EP300: variants seen among roughly 807,000 people sequenced by gnomAD.
EP300 encodes histone acetyltransferase p300.
In EP300, 31 loss-of-function variants were observed where a neutral mutation model predicts 264.0. The observed-to-expected ratio is 0.12, with a 90% CI of 0.09 to 0.16. The LOEUF (loss-of-function observed/expected upper bound fraction) is 0.16, where lower values mean the gene tolerates loss of function less well. Ranked by LOEUF, EP300 falls within the 10% of genes least tolerant of loss-of-function variation. EP300 has a pLI of 1.00. For missense variants in EP300, 2,766 were observed against 3,052.9 expected, an observed-to-expected ratio of 0.91 and a Z score of 2.21; for synonymous variants, 1,340 against 1,045.4, an observed-to-expected ratio of 1.28 and a Z score of -5.44.
In EP300 at chr22:41,177,655, CCAGGGATGGGACCGA is replaced by C; in HGVS notation, c.5953_5967del (p.Gly1985_Met1989del). The C allele has an allele frequency of 6.2e-7, 1 of 1,613,996 alleles. No homozygotes were observed. The highest frequency in any genetic ancestry group is 1.1e-5 in the South Asian group (1 of 91,080). ...CAGAGGTCCCAGTGGGCATTTGGAG[CCAGGGATGGGACCGA>C]CAGGGATGCAGCAACAGCCACCCTG... is the stretch of plus-strand genomic sequence containing the variant. On this transcript the variant is annotated inframe_deletion, in exon 31 of 31. Transcript: ENST00000263253.
intron 3 of EP300, 123 bp downstream of exon 3, chr22:41,126,163 T>G: frequency 1.1e-6 from 1 of 943,210 alleles, no homozygotes; most frequent in Non-Finnish European, 1.7e-6. Flanking sequence ...TAAATTGATA[T>G]GTACTTGATG....
intron 7 of EP300, among the ~76,000 whole-genome samples, chr22:41,137,317 A>C (rs1164564109): frequency 6.9e-6 from 1 of 145,538 alleles, no homozygotes; most frequent in South Asian, 2.2e-4. Context: ...GGATTGCACC[A>C]CTACAGTCCA....
intron 1 of EP300, among the ~76,000 whole-genome samples, chr22:41,110,801 T>G (rs540936090): frequency 6.6e-6 from 1 of 152,218 alleles, no homozygotes; most frequent in Admixed American, 6.5e-5. Context: ...TTCTAGAAGT[T>G]TGATTGATAC....
intron 6 of EP300, among the ~76,000 whole-genome samples, chr22:41,134,360 AACGT>A (rs775907046): frequency 6.6e-6 from 1 of 151,258 alleles, no homozygotes; most frequent in Non-Finnish European, 1.5e-5. Context: ...GATAACTGGA[AACGT>A]ACGTGTGTGT....
intron 29 of EP300, 78 bp downstream of exon 29, chr22:41,173,862 A>T (rs2059184859): frequency 6.3e-7 from 1 of 1,584,756 alleles, no homozygotes; most frequent in Admixed American, 1.7e-5. Flanking sequence ...CTGTAATCCC[A>T]GCACTTTGGG....
chr22:41,123,938 A>G (rs571930476), intron 2 of EP300, among the ~76,000 whole-genome samples: 1 of 152,238 alleles, frequency 6.6e-6, no homozygotes, highest in African/African-American at 2.4e-5. Flanking sequence ...TAAATATAGA[A>G]CATAAACTAC....
chr22:41,165,679 T>TC (rs2059130233), intron 22 of EP300, among the ~76,000 whole-genome samples: 1 of 152,196 alleles, frequency 6.6e-6, no homozygotes, highest in African/African-American at 2.4e-5. Flanking sequence ...CACCTCGGCC[T>TC]CCCGAAGTGC....
At chr22:41,110,256 T>A (rs1421037396) in intron 1 of EP300, among the ~76,000 whole-genome samples, 1 of 144,010 alleles carries the variant, frequency 6.9e-6, no homozygotes, top group African/African-American at 2.6e-5. Context: ...CTGGGACCTG[T>A]AGGTGCATGC....
intron 1 of EP300, among the ~76,000 whole-genome samples, chr22:41,113,196 C>G (rs932491806): frequency 7.8e-6 from 1 of 127,728 alleles, no homozygotes; most frequent in Non-Finnish European, 1.6e-5. Context: ...GTTGGAGAAA[C>G]TGGGACATTC....
chr22:41,148,397 T>C (rs2059024546), intron 12 of EP300, among the ~76,000 whole-genome samples: 1 of 152,090 alleles, frequency 6.6e-6, no homozygotes. Context: ...CTTTTGGGGG[T>C]TCCTGAGCAT....
intron 19 of EP300, 65 bp downstream of exon 19, chr22:41,158,565 G>GGCCA (rs1344297056): frequency 1.6e-6 from 2 of 1,264,770 alleles, no homozygotes; most frequent in African/African-American, 2.9e-5. Flanking sequence ...CATGCGGATG[G>GGCCA]GCCAGCACAC....
rs1377327215 is a variant in EP300, at chr22:41,140,218, G to A, written c.1839G>A (p.Arg613=). ...TGGAAAACCTAGTTGCATATGCTCG[G>A]AAAGTTGAAGGGGACATGTATGAAT... ...RRMENLVAYA[R]KVEGDMYESA... Residue 613 remains arginine, a synonymous_variant, in exon 9 of 31, where the codon CGG becomes CGA. Transcript: ENST00000263253. 1 of 1,613,890 alleles carries A rather than the reference G, an allele frequency of 6.2e-7. No homozygotes were observed. The highest frequency in any genetic ancestry group is 1.1e-5 in the South Asian group (1 of 91,074).
chr22:41,165,743 T>A (rs2059130561), intron 22 of EP300, among the ~76,000 whole-genome samples: 1 of 151,602 alleles, frequency 6.6e-6, no homozygotes. Context: ...TTTATGTGTA[T>A]TTAATTTTTA....
chr22:41,176,048 C>T (rs532685112), intron 29 of EP300, 199 bp from the exon 30 acceptor site: 19 of 625,310 alleles, frequency 3.0e-5, no homozygotes, highest in South Asian at 1.2e-4. Flanking sequence ...GGCGAAGCCT[C>T]GTCTCTACAA....
rs1462078048 is a variant in EP300 at position 41,172,495 on chromosome 22, A to G, written c.4453-4A>G. The G allele has an allele frequency of 1.2e-6, 2 of 1,610,534 alleles. No homozygotes were observed. The highest frequency in any genetic ancestry group is 8.5e-7 in the Non-Finnish European group (1 of 1,176,812). On this transcript the variant is annotated splice_polypyrimidine_tract_variant and splice_region_variant and intron_variant, in intron 27 of 30. Transcript: ENST00000263253. ...TTCCTATATGTACATGCATGTTTTC[A>G]CAGGATATTTTTAAACAAGCTACTG...
chr22:41,117,577 C>T lies in EP300; in HGVS notation c.485C>T (p.Ala162Val), dbSNP rs2145697185. Reference sequence around the variant, plus strand: ...ATGAACAGTCCAGTAAATCAGCCTGCCATGGGAATGAACACAGGGATGAAT... The same window carrying T: ...ATGAACAGTCCAGTAAATCAGCCTGTCATGGGAATGAACACAGGGATGAAT... ...GMMNSPVNQP[A>V]MGMNTGMNAG... Residue 162 changes from alanine (A) to valine (V), a missense_variant, in exon 2 of 31, where the codon GCC becomes GTC. Transcript: ENST00000263253. 1 of 1,614,194 alleles carries T rather than the reference C, an allele frequency of 6.2e-7. No homozygotes were observed. The highest frequency in any genetic ancestry group is 8.5e-7 in the Non-Finnish European group (1 of 1,180,026).
At chr22:41,170,603 A>T in intron 27 of EP300, 32 bp downstream of exon 27, 1 of 1,605,284 alleles carries the variant, frequency 6.2e-7, no homozygotes, top group Non-Finnish European at 8.5e-7. Flanking sequence ...AGGTGCTGAC[A>T]ATAGATCTGG....
intron 27 of EP300, among the ~76,000 whole-genome samples, chr22:41,171,715 G>A (rs924244092): frequency 3.3e-5 from 5 of 151,070 alleles, no homozygotes; most frequent in African/African-American, 1.2e-4. Context: ...GGGTTCAAGT[G>A]ATGGTCCTAC....
chr22:41,139,396 A>G (rs2058969613), intron 8 of EP300, among the ~76,000 whole-genome samples: 1 of 152,268 alleles, frequency 6.6e-6, no homozygotes, highest in Non-Finnish European at 1.5e-5. Flanking sequence ...TTTAATGGAC[A>G]GAGATGATTA....
Sources: allele counts gnomAD v4.1 joint callset (sites outside exome capture counted in the v4.1 genomes callset), GRCh38; gene constraint gnomAD v4.1.1; transcripts MANE v1.5; gene names NCBI Gene and HGNC (gene_info 2026-07-23, HGNC 2026-07-21).